Variants in SH3D19 observed in about 807,000 individuals in gnomAD.
SH3D19 encodes the protein SH3 domain containing 19, also known as SH3 domain-containing protein 19.
Under a neutral mutation model 112.1 loss-of-function variants are expected in SH3D19, and 58 were observed. The observed-to-expected ratio is 0.52, with a 90% CI of 0.42 to 0.64. SH3D19 has a LOEUF of 0.64. Among genes scored for constraint, SH3D19 ranks in the 30% least tolerant of loss-of-function variants. The probability of loss-of-function intolerance (pLI) is 0.00; values close to 1 mark genes in which losing one functional copy is unlikely to be tolerated. For synonymous variants in SH3D19, 391 were observed against 448.5 expected (o/e 0.87, Z 1.62); for missense variants, 1,090 against 1,263.4 (o/e 0.86, Z 2.08).
At chr4:151,252,205 A>G (rs571233153) in intron 1 of SH3D19, among the ~76,000 whole-genome samples, 22 of 152,324 alleles carry the variant, frequency 1.4e-4, no homozygotes, top group Middle Eastern at 6.8e-3. Context: ...CACAAACAGG[A>G]TGTAATTTCT....
chr4:151,180,523 C>A (rs915297036), intron 3 of SH3D19, among the ~76,000 whole-genome samples: 1 of 149,710 alleles, frequency 6.7e-6, no homozygotes, highest in African/African-American at 2.5e-5. Context: ...TCTCTTGCCT[C>A]ATCTTCCAGA....
intron 1 of SH3D19, among the ~76,000 whole-genome samples, chr4:151,230,526 A>G (rs1164204835): frequency 6.6e-6 from 1 of 152,190 alleles, no homozygotes; most frequent in Non-Finnish European, 1.5e-5. Context: ...AATTAAGGGC[A>G]AGGCTCAGTC....
chr4:151,193,977 T>G (rs1044222183), intron 2 of SH3D19, among the ~76,000 whole-genome samples: 10 of 150,408 alleles, frequency 6.6e-5, no homozygotes, highest in Admixed American at 4.6e-4. Context: ...TAAAATCTAA[T>G]CCTCTCTTTT....
chr4:151,282,107 A>C, intron 1 of SH3D19: 1 of 1,605,474 alleles, frequency 6.2e-7, no homozygotes, highest in Non-Finnish European at 8.5e-7. Flanking sequence ...GTTCTGACCC[A>C]GCTGCAGGCC....
intron 1 of SH3D19, among the ~76,000 whole-genome samples, chr4:151,233,671 T>C (rs1769789090): frequency 6.6e-6 from 1 of 152,198 alleles, no homozygotes; most frequent in Non-Finnish European, 1.5e-5. Context: ...GCCATGGAAA[T>C]GTGACATATT....
At chr4:151,214,484 A>G (rs1766613490) in intron 2 of SH3D19, among the ~76,000 whole-genome samples, 1 of 111,986 alleles carries the variant, frequency 8.9e-6, no homozygotes, top group South Asian at 3.2e-4. Flanking sequence ...TCCCTCCCGG[A>G]CGGGGCGGCT....
chr4:151,210,979 A>T (rs1400161599), intron 2 of SH3D19, among the ~76,000 whole-genome samples: 1 of 152,054 alleles, frequency 6.6e-6, no homozygotes, highest in African/African-American at 2.4e-5. Flanking sequence ...CTTAACCCCC[A>T]TCTCATCTCA....
chr4:151,260,186 A>G (rs754569893), intron 1 of SH3D19, among the ~76,000 whole-genome samples: 14 of 152,208 alleles, frequency 9.2e-5, no homozygotes, highest in Non-Finnish European at 1.9e-4. Context: ...CATCACCCAA[A>G]TAATGTACAT....
Position 151,271,032 on chromosome 4 carries a change from T to C in SH3D19, c.113-44946A>G, listed in dbSNP as rs535997058. ...TCAACCTCTCAAGTTCAAGCAATCC[T>C]CCCACCTCAGCCTCCTGAGTAACTG... On this transcript the variant is annotated intron_variant, in intron 1 of 19. Transcript: ENST00000604030. Among the ~76,000 whole-genome samples the C allele has an allele frequency of 3.3e-5, 5 of 152,172 alleles. No individual in the cohort carries two copies. The East Asian group carries it at 7.7e-4, about 24-fold the overall frequency.
chr4:151,232,960 A>G (rs1769731071), intron 1 of SH3D19, among the ~76,000 whole-genome samples: 2 of 152,200 alleles, frequency 1.3e-5, no homozygotes, highest in South Asian at 4.1e-4. Flanking sequence ...GTACCAGTCT[A>G]TGGCCTGTTA....
At chr4:151,227,885 C>T in intron 1 of SH3D19, 1 of 985,238 alleles carries the variant, frequency 1.0e-6, no homozygotes, top group Non-Finnish European at 1.2e-6. Context: ...TGGTACAACA[C>T]ACAAGAGGAA....
intron 2 of SH3D19, among the ~76,000 whole-genome samples, chr4:151,204,506 T>C (rs556806463): frequency 1.2e-4 from 18 of 152,334 alleles, no homozygotes; most frequent in African/African-American, 3.8e-4. Flanking sequence ...CCTCAGTGTC[T>C]AGCAAAATGC....
intron 1 of SH3D19, among the ~76,000 whole-genome samples, chr4:151,267,678 A>C (rs1320110998): frequency 6.6e-6 from 1 of 152,240 alleles, no homozygotes; most frequent in Non-Finnish European, 1.5e-5. Flanking sequence ...AGCTGTCAAA[A>C]AAATAGGGAA....
chr4:151,289,090 T>C (rs1049165160), intron 1 of SH3D19, among the ~76,000 whole-genome samples: 2 of 152,250 alleles, frequency 1.3e-5, no homozygotes, highest in African/African-American at 2.4e-5. Flanking sequence ...CTTATATTTA[T>C]GGTCAATTAT....
intron 3 of SH3D19, among the ~76,000 whole-genome samples, chr4:151,183,235 G>A (rs550585983): frequency 6.6e-6 from 1 of 152,058 alleles, no homozygotes; most frequent in African/African-American, 2.4e-5. Context: ...CAGGTGATCC[G>A]CCCGCCTCAG....
chr4:151,292,190 T>C (rs532338891), intron 1 of SH3D19, among the ~76,000 whole-genome samples: 1 of 151,926 alleles, frequency 6.6e-6, no homozygotes, highest in South Asian at 2.1e-4. Flanking sequence ...TCTCAGCTAC[T>C]TGGGAAGCTG....
At chr4:151,319,460 T>C (rs1239573548) in intron 1 of SH3D19, among the ~76,000 whole-genome samples, 1 of 152,228 alleles carries the variant, frequency 6.6e-6, no homozygotes, top group African/African-American at 2.4e-5. Context: ...TAGACAACTT[T>C]GGAATTCTAA....
At chr4:151,250,240 A>C (rs192322861) in intron 1 of SH3D19, among the ~76,000 whole-genome samples, 176 of 152,326 alleles carry the variant, frequency 1.2e-3, no homozygotes, top group African/African-American at 3.7e-3. Flanking sequence ...CTAAGTGTCC[A>C]TCAACACAGG....
chr4:151,251,877 A>C (rs188620582), intron 1 of SH3D19, among the ~76,000 whole-genome samples: 1 of 152,296 alleles, frequency 6.6e-6, no homozygotes, highest in East Asian at 1.9e-4. Flanking sequence ...TCACTGCTAC[A>C]TGACTAGCAC....
Sources: gnomAD v4.1 joint callset for allele counts (sites outside exome capture counted in the v4.1 genomes callset) on GRCh38, gnomAD v4.1.1 for gene constraint, MANE v1.5 for transcripts, NCBI Gene and HGNC (gene_info 2026-07-23, HGNC 2026-07-21) for gene names.